ATG10: variants seen among roughly 807,000 people sequenced by gnomAD.
ATG10 encodes the protein ubiquitin-like-conjugating enzyme ATG10.
Under a neutral mutation model 32.1 loss-of-function variants are expected in ATG10, and 30 were observed. The ratio of observed to expected loss-of-function variants is 0.94; its 90% confidence interval spans 0.70 to 1.27. The LOEUF (loss-of-function observed/expected upper bound fraction) is 1.27. Ranked by LOEUF, ATG10 falls within the 50% of genes most tolerant of loss-of-function variation. The pLI is 0.00. For missense variants in ATG10, 233 were observed against 262.3 expected (o/e 0.89, Z 0.77); for synonymous variants, 87 against 91.5 (o/e 0.95, Z 0.28).
chr5:82,227,986 G>T (rs920122866), intron 5 of ATG10, among the ~76,000 whole-genome samples: 2 of 152,098 alleles, frequency 1.3e-5, no homozygotes, highest in Non-Finnish European at 2.9e-5. Context: ...TAGGTGGATT[G>T]CTTGAGTCCA....
At chr5:81,993,216 A>G (rs938980176) in intron 2 of ATG10, among the ~76,000 whole-genome samples, 4 of 152,062 alleles carry the variant, frequency 2.6e-5, no homozygotes, top group Non-Finnish European at 4.4e-5. Context: ...GAATAACAAT[A>G]ATACTTACTT....
intron 2 of ATG10, among the ~76,000 whole-genome samples, chr5:82,038,094 C>G (rs1287536482): frequency 6.6e-6 from 1 of 152,104 alleles, no homozygotes; most frequent in Non-Finnish European, 1.5e-5. Flanking sequence ...CCTGAGTTTC[C>G]TCTAGAGCCT....
intron 1 of ATG10, among the ~76,000 whole-genome samples, chr5:81,982,854 A>G (rs1307717109): frequency 6.6e-6 from 1 of 152,246 alleles, no homozygotes; most frequent in South Asian, 2.1e-4. Flanking sequence ...GACACAGCAC[A>G]TGTTTCAGAG....
At chr5:82,049,291 C>A (rs189997195) in intron 2 of ATG10, among the ~76,000 whole-genome samples, 1 of 151,382 alleles carries the variant, frequency 6.6e-6, no homozygotes, top group African/African-American at 2.4e-5. Context: ...AGTAAACCAT[C>A]GCAAGAACAA....
chr5:82,193,904 T>A (rs754669948), intron 5 of ATG10, among the ~76,000 whole-genome samples: 1 of 152,232 alleles, frequency 6.6e-6, no homozygotes, highest in Non-Finnish European at 1.5e-5. Context: ...CAGTTCTCCT[T>A]GGACTTTGCT....
intron 3 of ATG10, among the ~76,000 whole-genome samples, chr5:82,088,568 A>C (rs1424410409): frequency 6.6e-6 from 1 of 152,236 alleles, no homozygotes; most frequent in East Asian, 1.9e-4. Context: ...GTTCCTCCTT[A>C]CATATTGTGC....
chr5:82,130,257 C>T (rs1766466948), intron 3 of ATG10, among the ~76,000 whole-genome samples: 1 of 152,128 alleles, frequency 6.6e-6, no homozygotes, highest in African/African-American at 2.4e-5. Context: ...AATTTCAGGC[C>T]AGTGGATCTT....
At chr5:82,028,465 T>C (rs1762654218) in intron 2 of ATG10, among the ~76,000 whole-genome samples, 1 of 152,172 alleles carries the variant, frequency 6.6e-6, no homozygotes. Flanking sequence ...CATAATGGCT[T>C]CACATCAAGG....
intron 5 of ATG10, among the ~76,000 whole-genome samples, chr5:82,220,883 T>G (rs1745898788): frequency 6.6e-6 from 1 of 151,894 alleles, no homozygotes; most frequent in Admixed American, 6.6e-5. Flanking sequence ...TGCCTCAGCC[T>G]CCCAACTGGG....
chr5:82,014,174 T>C (rs1028588017), intron 2 of ATG10, among the ~76,000 whole-genome samples: 2 of 152,246 alleles, frequency 1.3e-5, no homozygotes, highest in African/African-American at 4.8e-5. Context: ...TCTAGTTTGA[T>C]TGCACTGTGG....
intron 3 of ATG10, among the ~76,000 whole-genome samples, chr5:82,128,190 G>A (rs1040730891): frequency 4.6e-5 from 7 of 151,350 alleles, no homozygotes; most frequent in Non-Finnish European, 7.4e-5. Context: ...GTCTTTGCAC[G>A]TGAGATGGGT....
chr5:82,086,505 C>T (rs1764700693), intron 3 of ATG10, among the ~76,000 whole-genome samples: 1 of 152,154 alleles, frequency 6.6e-6, no homozygotes, highest in African/African-American at 2.4e-5. Context: ...CCTACATGGC[C>T]TCTCTACATG....
At chr5:82,241,604 G>A (rs1361102037) in intron 5 of ATG10, among the ~76,000 whole-genome samples, 2 of 151,986 alleles carry the variant, frequency 1.3e-5, no homozygotes, top group African/African-American at 4.8e-5. Flanking sequence ...CTGCCCTAGG[G>A]TTTTAGGATC....
intron 3 of ATG10, among the ~76,000 whole-genome samples, chr5:82,153,923 T>C (rs1444448491): frequency 6.6e-6 from 1 of 151,450 alleles, no homozygotes; most frequent in African/African-American, 2.4e-5. Context: ...TTTTTTTTTT[T>C]TTTCTCTTTA....
intron 5 of ATG10, among the ~76,000 whole-genome samples, chr5:82,225,112 C>A (rs1746071510): frequency 6.6e-6 from 1 of 152,146 alleles, no homozygotes; most frequent in Non-Finnish European, 1.5e-5. Context: ...ATAATTGAGT[C>A]CTTGCACCCT....
rs576943742 is a variant in ATG10, at chr5:82,077,652, A to G, written c.216+19050A>G. On this transcript the variant is annotated intron_variant, in intron 3 of 7. Coordinates refer to ENST00000282185, the MANE Select transcript of ATG10 (RefSeq NM_031482.5). ...AACTCATTAAGTAAAGACCCTAGGC[A>G]GTTCTCCAGTGCTGAGCCTGAAAGC... 1.6e-4 allele frequency among the ~76,000 whole-genome samples: 25 copies of G among 152,296 alleles called. No homozygotes were observed. In the South Asian group the frequency reaches 4.8e-3, roughly 29 times the overall value.
At chr5:82,114,955 G>T (rs920546020) in intron 3 of ATG10, among the ~76,000 whole-genome samples, 6 of 152,018 alleles carry the variant, frequency 3.9e-5, no homozygotes, top group Non-Finnish European at 8.8e-5. Flanking sequence ...TTGAAATGTG[G>T]CTAGTATGAC....
intron 3 of ATG10, among the ~76,000 whole-genome samples, chr5:82,133,436 G>A (rs1162027501): frequency 6.6e-6 from 1 of 152,056 alleles, no homozygotes; most frequent in Non-Finnish European, 1.5e-5. Context: ...TCAGTTTTCT[G>A]CATATGGCTA....
At chr5:82,138,391 A>G (rs1766859905) in intron 3 of ATG10, among the ~76,000 whole-genome samples, 1 of 152,206 alleles carries the variant, frequency 6.6e-6, no homozygotes, top group South Asian at 2.1e-4. Context: ...TCTGTGGGTT[A>G]TAAAGACGGT....
Sources: allele counts gnomAD v4.1 joint callset (sites outside exome capture counted in the v4.1 genomes callset), GRCh38; gene constraint gnomAD v4.1.1; transcripts MANE v1.5; gene names NCBI Gene and HGNC (gene_info 2026-07-23, HGNC 2026-07-21).